WDFY3: variants seen among roughly 807,000 people sequenced by gnomAD.
WDFY3 encodes WD repeat and FYVE domain containing 3, also known as WD repeat and FYVE domain-containing protein 3.
Under a neutral mutation model 409.6 loss-of-function variants are expected in WDFY3, and 66 were observed. That is an observed-to-expected ratio of 0.16 (90% CI 0.13 to 0.20). WDFY3 has a LOEUF of 0.20. Ranked by LOEUF, WDFY3 falls within the 10% of genes least tolerant of loss-of-function variation. The pLI, the probability that WDFY3 is intolerant of heterozygous loss-of-function variation, is 1.00. For synonymous variants in WDFY3, 1,521 were observed against 1,537.1 expected, an observed-to-expected ratio of 0.99 and a Z score of 0.25; for missense variants, 3,031 against 4,298.1, an observed-to-expected ratio of 0.71 and a Z score of 8.24.
chr4:84,881,852 G>C (rs1763583026), intron 3 of WDFY3, among the ~76,000 whole-genome samples: 1 of 151,332 alleles, frequency 6.6e-6, no homozygotes, highest in Non-Finnish European at 1.5e-5. Context: ...CTGTACTCCA[G>C]CCTGGGTGAG....
chr4:84,729,929 A>G (rs967030468), intron 44 of WDFY3, among the ~76,000 whole-genome samples: 8 of 152,180 alleles, frequency 5.3e-5, no homozygotes, highest in Non-Finnish European at 1.2e-4. Context: ...GCACAAACCT[A>G]TTCTATCACA....
At chr4:84,839,411 T>C (rs902292599) in intron 6 of WDFY3, among the ~76,000 whole-genome samples, 14 of 152,176 alleles carry the variant, frequency 9.2e-5, no homozygotes, top group African/African-American at 3.1e-4. Flanking sequence ...AATGGTCTAC[T>C]CTGGGACCAT....
intron 7 of WDFY3, among the ~76,000 whole-genome samples, chr4:84,832,141 T>G (rs1755831034): frequency 6.6e-6 from 1 of 152,114 alleles, no homozygotes; most frequent in African/African-American, 2.4e-5. Flanking sequence ...ATATACAATC[T>G]AATACTATTC....
chr4:84,889,306 T>C (rs1034799853), intron 3 of WDFY3, among the ~76,000 whole-genome samples: 1 of 152,200 alleles, frequency 6.6e-6, no homozygotes, highest in South Asian at 2.1e-4. Flanking sequence ...GTCTTTTGTC[T>C]GAGCAATATA....
intron 27 of WDFY3, 106 bp from the exon 28 acceptor site, chr4:84,775,244 T>C: frequency 2.1e-6 from 2 of 964,874 alleles, no homozygotes; most frequent in Non-Finnish European, 1.5e-6. Flanking sequence ...CTTATATAAT[T>C]ATTATCTTGT....
Position 84,860,463 on chromosome 4 carries a change from A to C in WDFY3, c.129T>G (p.Thr43=). Residue 43 remains threonine, a synonymous_variant, in exon 4 of 68, where the codon ACT becomes ACG. Coordinates refer to ENST00000295888, the MANE Select transcript of WDFY3 (RefSeq NM_014991.6). The part of the protein sequence containing the change: ...TELCHPPRHM[T]QKEQEEKLYM... ...ACAGTTTCTCTTCTTGTTCCTTCTG[A>C]GTCATGTGCCGGGGAGGATGGCACA... is the stretch of plus-strand genomic sequence containing the variant. 6.2e-7 allele frequency: 1 copy of C among 1,613,998 alleles called. No individual in the cohort carries two copies. Among genetic ancestry groups the C allele is most frequent in the Non-Finnish European group, 8.5e-7 (1 of 1,179,964 alleles).
intron 3 of WDFY3, among the ~76,000 whole-genome samples, chr4:84,884,679 G>C (rs1008009364): frequency 1.8e-4 from 28 of 152,220 alleles, no homozygotes; most frequent in Non-Finnish European, 3.7e-4. Context: ...ATAATTTTTA[G>C]ACTTTGAAAA....
intron 11 of WDFY3, among the ~76,000 whole-genome samples, chr4:84,820,722 A>G (rs887775455): frequency 6.6e-6 from 1 of 152,154 alleles, no homozygotes; most frequent in African/African-American, 2.4e-5. Flanking sequence ...TATACATTTA[A>G]CTATATTTAT....
intron 2 of WDFY3, among the ~76,000 whole-genome samples, chr4:84,915,774 G>C (rs751608600): frequency 6.6e-6 from 1 of 152,104 alleles, no homozygotes; most frequent in Non-Finnish European, 1.5e-5. Flanking sequence ...CAGAGTAGTA[G>C]AAGCTTTAAG....
chr4:84,849,599 A>G, intron 5 of WDFY3: 1 of 167,290 alleles, frequency 6.0e-6, no homozygotes, highest in Non-Finnish European at 1.2e-5. Flanking sequence ...AGACCAGATG[A>G]TAGCTTTGCC....
At chr4:84,731,641 T>C (rs1249120393) in intron 44 of WDFY3, among the ~76,000 whole-genome samples, 1 of 152,202 alleles carries the variant, frequency 6.6e-6, no homozygotes, top group Non-Finnish European at 1.5e-5. Flanking sequence ...ATTTCACAGG[T>C]TGGTGAATTC....
chr4:84,853,203 T>C (rs769788555), intron 4 of WDFY3, among the ~76,000 whole-genome samples: 4 of 152,228 alleles, frequency 2.6e-5, no homozygotes, highest in Admixed American at 6.5e-5. Context: ...TTTTTGCTCT[T>C]GTTGCCCAGG....
rs1560509371 is a variant in WDFY3 at position 84,677,365 on chromosome 4, G to A, written c.10291C>T (p.Arg3431Ter). ...ACAGACCAGCTGAAAACTCGGCCTC[G>A]ACTGTCACCAACGAGGATCCTACTG... is the stretch of plus-strand genomic sequence containing the variant. ...DHSRILVGDS[R>*]GRVFSWSVSD... Residue 3431 changes from arginine (R) to a stop codon, truncating the protein, a stop_gained, in exon 67 of 68, where the codon CGA becomes TGA. Transcript: ENST00000295888. LOFTEE classifies it high-confidence loss of function. The A allele has an allele frequency of 6.2e-7, 1 of 1,613,734 alleles. No individual in the cohort carries two copies. The highest frequency in any genetic ancestry group is 8.5e-7 in the Non-Finnish European group (1 of 1,179,830).
intron 35 of WDFY3, among the ~76,000 whole-genome samples, chr4:84,751,948 T>G (rs1740596010): frequency 6.6e-6 from 1 of 152,100 alleles, no homozygotes; most frequent in Non-Finnish European, 1.5e-5. Flanking sequence ...ATACGTCACC[T>G]TTAAGTTGAA....
chr4:84,859,724 T>C (rs1292697924), intron 4 of WDFY3, among the ~76,000 whole-genome samples: 1 of 152,080 alleles, frequency 6.6e-6, no homozygotes, highest in Non-Finnish European at 1.5e-5. Context: ...TACAGGCACG[T>C]GCCACCACGC....
intron 63 of WDFY3, among the ~76,000 whole-genome samples, chr4:84,683,442 C>T (rs937598267): frequency 1.3e-5 from 2 of 152,218 alleles, no homozygotes; most frequent in African/African-American, 4.8e-5. Flanking sequence ...TCCATTGCCT[C>T]TATTTTCTGT....
At chr4:84,848,202 T>C (rs1490305755) in intron 5 of WDFY3, among the ~76,000 whole-genome samples, 1 of 151,704 alleles carries the variant, frequency 6.6e-6, no homozygotes, top group African/African-American at 2.4e-5. Flanking sequence ...ACAAGGCATG[T>C]TATTATGAAA....
rs749229530 is a variant in WDFY3, at chr4:84,736,290, T to C, written c.6795A>G (p.Leu2265=). Residue 2265 remains leucine (L), a synonymous_variant, in exon 42 of 68, where the codon TTA becomes TTG. Transcript: ENST00000295888. ...EKKCISRGEA[L]APTTQSKLSR... ...ATAATTTGGACTGTGTGGTGGGCGC[T>C]AAAGCTTCTCCTCGACTTATGCATT... 5 of 1,608,356 alleles carry C rather than the reference T, an allele frequency of 3.1e-6. No individual in the cohort carries two copies. Among genetic ancestry groups the C allele is most frequent in the Non-Finnish European group, 4.2e-6 (5 of 1,177,400 alleles).
At chr4:84,722,062 T>C (rs1033432889) in intron 46 of WDFY3, among the ~76,000 whole-genome samples, 1 of 152,110 alleles carries the variant, frequency 6.6e-6, no homozygotes, top group Non-Finnish European at 1.5e-5. Context: ...AAATAATCAA[T>C]GATTGTCACA....
Sources: gnomAD v4.1 joint callset for allele counts (sites outside exome capture counted in the v4.1 genomes callset) on GRCh38, gnomAD v4.1.1 for gene constraint, MANE v1.5 for transcripts, NCBI Gene and HGNC (gene_info 2026-07-23, HGNC 2026-07-21) for gene names.